Variants in CNTNAP4 observed in about 807,000 individuals in gnomAD.
CNTNAP4 encodes contactin associated protein family member 4, also known as contactin-associated protein-like 4.
CNTNAP4 carries 98 observed loss-of-function variants against 148.4 expected under a neutral mutation model. The observed-to-expected ratio is 0.66, with a 90% CI of 0.56 to 0.78. The LOEUF (loss-of-function observed/expected upper bound fraction) is 0.78, where lower values mean the gene tolerates loss of function less well. Among genes scored for constraint, CNTNAP4 ranks in the 30% least tolerant of loss-of-function variants. The pLI is 0.00. For missense variants in CNTNAP4, 1,935 were observed against 1,565.6 expected, an observed-to-expected ratio of 1.24 and a Z score of -3.98; for synonymous variants, 730 against 565.1, an observed-to-expected ratio of 1.29 and a Z score of -4.14.
intron 3 of CNTNAP4, among the ~76,000 whole-genome samples, chr16:76,390,179 G>T (rs940529848): frequency 6.6e-6 from 1 of 152,140 alleles, no homozygotes; most frequent in African/African-American, 2.4e-5. Context: ...AAAGCCGTCA[G>T]GTAAACTTGT....
At chr16:76,355,846 T>C (rs1270933793) in intron 3 of CNTNAP4, among the ~76,000 whole-genome samples, 2 of 49,886 alleles carry the variant, frequency 4.0e-5, no homozygotes. Flanking sequence ...TGTCTTTTAT[T>C]TATTTATTTA....
intron 21 of CNTNAP4, among the ~76,000 whole-genome samples, chr16:76,547,536 A>G (rs2084788606): frequency 6.6e-6 from 1 of 152,234 alleles, no homozygotes; most frequent in South Asian, 2.1e-4. Flanking sequence ...AGGTTGCATC[A>G]AATTAACTTG....
At chr16:76,420,529 C>G (rs1389118279) in intron 3 of CNTNAP4, among the ~76,000 whole-genome samples, 1 of 151,918 alleles carries the variant, frequency 6.6e-6, no homozygotes, top group Non-Finnish European at 1.5e-5. Context: ...GCTGTCCCAT[C>G]TCTGGCTTTC....
chr16:76,355,441 C>A lies in CNTNAP4; in HGVS notation c.320C>A (p.Thr107Asn). ...GGATATGGTAGCTCCAACTGGGTGA[C>A]CAGCTACCTCCTGATGTTCAGTGAT... The part of the protein sequence containing the change: ...QGGYGSSNWV[T>N]SYLLMFSDSG... Residue 107 changes from threonine to asparagine, a missense_variant, in exon 3 of 24, where the codon ACC becomes AAC. Coordinates refer to ENST00000611870, the MANE Select transcript of CNTNAP4 (RefSeq NM_033401.5). 2 of 1,612,912 alleles carry A rather than the reference C, an allele frequency of 1.2e-6. No individual in the cohort carries two copies. Among genetic ancestry groups the A allele is most frequent in the Non-Finnish European group, 1.7e-6 (2 of 1,179,432 alleles).
intron 3 of CNTNAP4, among the ~76,000 whole-genome samples, chr16:76,407,639 T>C (rs2078640685): frequency 6.6e-6 from 1 of 152,096 alleles, no homozygotes; most frequent in Non-Finnish European, 1.5e-5. Flanking sequence ...TGCTGCAATC[T>C]TATAATAAAA....
At chr16:76,413,691 T>C (rs2078880767) in intron 3 of CNTNAP4, among the ~76,000 whole-genome samples, 1 of 151,502 alleles carries the variant, frequency 6.6e-6, no homozygotes, top group South Asian at 2.1e-4. Flanking sequence ...GGTTTGAATT[T>C]GGTAGAATCT....
intron 1 of CNTNAP4, among the ~76,000 whole-genome samples, chr16:76,288,674 A>G (rs1958987710): frequency 6.6e-6 from 1 of 152,258 alleles, no homozygotes; most frequent in Non-Finnish European, 1.5e-5. Flanking sequence ...TTTGAAAGAC[A>G]GAAGTATTAT....
chr16:76,540,223 T>C (rs1187968242), intron 20 of CNTNAP4, among the ~76,000 whole-genome samples: 3 of 152,032 alleles, frequency 2.0e-5, no homozygotes, highest in African/African-American at 7.2e-5. Context: ...ATGATATGAG[T>C]CACAGCAAAG....
At chr16:76,287,158 A>C (rs1042494733) in intron 1 of CNTNAP4, among the ~76,000 whole-genome samples, 1 of 152,230 alleles carries the variant, frequency 6.6e-6, no homozygotes, top group African/African-American at 2.4e-5. Flanking sequence ...GGAAAGAACT[A>C]GGGTACATTT....
Position 76,553,251 on chromosome 16 carries a change from A to G in CNTNAP4, c.3443-32A>G, listed in dbSNP as rs9938561. On this transcript the variant is annotated intron_variant, in intron 21 of 23. Transcript: ENST00000611870. ...TCATCGCCTATTTTCACTTTTCACT[A>G]CTAATATTTCGGTGTTTCTTTGAAT... 0.074 allele frequency: 102,120 copies of G among 1,384,460 alleles called. 7,520 individuals are homozygous for G. Among genetic ancestry groups the G allele is most frequent in the African/African-American group, 0.37 (26,357 of 70,560 alleles). 85.8% of individuals were successfully genotyped at this position (1,384,460 alleles called of 1,614,324 possible). A position where few individuals can be genotyped will look rare whatever the true frequency, so the allele number is the denominator to read the frequency against.
chr16:76,292,165 A>G (rs1245588022), intron 1 of CNTNAP4, among the ~76,000 whole-genome samples: 2 of 152,166 alleles, frequency 1.3e-5, no homozygotes, highest in Non-Finnish European at 2.9e-5. Context: ...GCAAATGTCA[A>G]TGTCATGAAC....
intron 8 of CNTNAP4, among the ~76,000 whole-genome samples, chr16:76,453,495 C>T (rs2080598546): frequency 6.6e-6 from 1 of 152,240 alleles, no homozygotes; most frequent in East Asian, 1.9e-4. Flanking sequence ...GACAAAAGCT[C>T]TACATCACAT....
intron 4 of CNTNAP4, among the ~76,000 whole-genome samples, chr16:76,434,730 A>C (rs2079751396): frequency 6.6e-6 from 1 of 152,132 alleles, no homozygotes; most frequent in Non-Finnish European, 1.5e-5. Flanking sequence ...TTCCCACCAT[A>C]ATAGCCCTCA....
chr16:76,315,787 G>A (rs951778724), intron 1 of CNTNAP4, among the ~76,000 whole-genome samples: 4 of 151,944 alleles, frequency 2.6e-5, no homozygotes, highest in Non-Finnish European at 5.9e-5. Context: ...TAGAGATGGG[G>A]TTTCACCATG....
chr16:76,357,098 C>T (rs1385318637), intron 3 of CNTNAP4, among the ~76,000 whole-genome samples: 2 of 151,112 alleles, frequency 1.3e-5, no homozygotes, highest in African/African-American at 4.9e-5. Flanking sequence ...ACTCCAAACA[C>T]TGGGTATTAC....
intron 3 of CNTNAP4, among the ~76,000 whole-genome samples, chr16:76,423,504 G>T (rs7203085): frequency 0.79 from 119,453 of 152,052 alleles, 47,330 homozygotes; most frequent in Non-Finnish European, 0.84. Context: ...TATTATTTTT[G>T]AAAAAAGATA....
chr16:76,363,008 G>A (rs2013626731), intron 3 of CNTNAP4, among the ~76,000 whole-genome samples: 1 of 151,616 alleles, frequency 6.6e-6, no homozygotes, highest in African/African-American at 2.4e-5. Context: ...ATCATTTGAG[G>A]CCAGGAGTTC....
intron 21 of CNTNAP4, among the ~76,000 whole-genome samples, chr16:76,549,424 G>C (rs2084870543): frequency 6.6e-6 from 1 of 152,050 alleles, no homozygotes; most frequent in African/African-American, 2.4e-5. Flanking sequence ...CCCTGGGTGT[G>C]AGCCACCTAA....
At chr16:76,492,328 T>G (rs1367970725) in intron 13 of CNTNAP4, among the ~76,000 whole-genome samples, 1 of 152,220 alleles carries the variant, frequency 6.6e-6, no homozygotes, top group African/African-American at 2.4e-5. Context: ...GGTAATCATT[T>G]CACAGTGTAT....
Sources: gnomAD v4.1 joint callset for allele counts (sites outside exome capture counted in the v4.1 genomes callset) on GRCh38, gnomAD v4.1.1 for gene constraint, MANE v1.5 for transcripts, NCBI Gene and HGNC (gene_info 2026-07-23, HGNC 2026-07-21) for gene names.